Variants in CCDC146 observed in about 807,000 individuals in gnomAD.
CCDC146 encodes the protein coiled-coil domain containing 146.
In CCDC146, 92 loss-of-function variants were observed where a neutral mutation model predicts 119.3. The ratio of observed to expected loss-of-function variants is 0.77; its 90% confidence interval spans 0.65 to 0.92. The LOEUF is 0.92. Ranked by LOEUF, CCDC146 falls within the 40% of genes least tolerant of loss-of-function variation. The pLI, the probability that CCDC146 is intolerant of heterozygous loss-of-function variation, is 0.00. For missense variants in CCDC146, 1,000 were observed against 1,103.0 expected (o/e 0.91, Z 1.32); for synonymous variants, 372 against 371.8 (o/e 1.00, Z -0.01).
intron 9 of CCDC146, among the ~76,000 whole-genome samples, chr7:77,266,881 G>T (rs1286340157): frequency 6.6e-6 from 1 of 152,104 alleles, no homozygotes; most frequent in Non-Finnish European, 1.5e-5. Flanking sequence ...CAGAATGAAG[G>T]AACCAAGAGG....
rs530011823 is a variant in CCDC146, at chr7:77,177,192, T to C, written c.156+9368T>C. On this transcript the variant is annotated intron_variant, in intron 2 of 18. Coordinates refer to ENST00000285871, the MANE Select transcript of CCDC146 (RefSeq NM_020879.3). ...GGTGATTTGCTGACGCTACTAAAGC[T>C]TCATTTATTTTGTAGGTTGGACCTT... 2.6e-5 allele frequency among the ~76,000 whole-genome samples: 4 copies of C among 152,264 alleles called. No homozygotes were observed. In the South Asian group the frequency reaches 8.3e-4, roughly 32 times the overall value.
intron 11 of CCDC146, among the ~76,000 whole-genome samples, chr7:77,275,081 A>AAAAG (rs58940924): frequency 0.94 from 140,045 of 149,622 alleles, 65,674 homozygotes; most frequent in African/African-American, 0.98. Flanking sequence ...AAAAAAAAAG[A>AAAAG]AAAGCTATAC....
In CCDC146 at chr7:77,164,509, T is replaced by C. The variant is rs190331486; in HGVS notation, c.-11-3149T>C. On this transcript the variant is annotated intron_variant, in intron 1 of 18. Transcript: ENST00000285871. ...ATTAACATCACATAACAACAGACAA[T>C]CAGATATTTGGAGCCTCCTGATGGA... Among the ~76,000 whole-genome samples the C allele has an allele frequency of 7.3e-3, 1,111 of 152,118 alleles. 13 individuals are homozygous for C. Among genetic ancestry groups the C allele is most frequent in the African/African-American group, 0.025 (1,021 of 41,482 alleles).
intron 2 of CCDC146, among the ~76,000 whole-genome samples, chr7:77,185,779 CAG>C (rs1285443168): frequency 6.6e-6 from 1 of 152,090 alleles, no homozygotes; most frequent in Admixed American, 6.6e-5. Flanking sequence ...CCTAAAGAAA[CAG>C]AGATATGTAA....
rs141323382 is a variant in CCDC146, at chr7:77,282,561, G to A, written c.1924G>A (p.Val642Ile). ...TGCCTCTGAATTTGACCATAGTGGCGTTCAGCTGATAGAGCGGGAAGAAGA... is the reference window on the plus strand; with the variant it reads ...TGCCTCTGAATTTGACCATAGTGGCATTCAGCTGATAGAGCGGGAAGAAGA... ...KAVQHRNESG[V>I]QLIEREEEIC... is the part of the protein sequence containing the mutation. Residue 642 changes from valine (V) to isoleucine (I), a missense_variant, in exon 15 of 19, where the codon GTT (valine) becomes ATT (isoleucine). Around this residue, in one of 2 missense-constraint regions of CCDC146, gnomAD observed 985 missense variants for 1,045.3 expected, o/e 0.94. Transcript: ENST00000285871. The A allele has an allele frequency of 4.9e-5, 79 of 1,600,838 alleles. 1 individual carries two copies. In the South Asian group the frequency reaches 4.9e-4, roughly 10 times the overall value.
chr7:77,252,606 A>C (rs1793096761), intron 4 of CCDC146, among the ~76,000 whole-genome samples: 3 of 152,240 alleles, frequency 2.0e-5, no homozygotes, highest in Admixed American at 2.0e-4. Context: ...GAAATTAAAC[A>C]TAAAAATTTG....
At chr7:77,264,220 T>A (rs1793357299) in intron 9 of CCDC146, among the ~76,000 whole-genome samples, 1 of 152,170 alleles carries the variant, frequency 6.6e-6, no homozygotes, top group Non-Finnish European at 1.5e-5. Flanking sequence ...ACACTATCTT[T>A]TGGCGTGTTA....
At chr7:77,135,082 G>C (rs1325821764) in intron 1 of CCDC146, among the ~76,000 whole-genome samples, 1 of 152,064 alleles carries the variant, frequency 6.6e-6, no homozygotes, top group African/African-American at 2.4e-5. Context: ...ATTGCTCACT[G>C]GTTCACCAAA....
rs1011314737 is a variant in CCDC146, at chr7:77,278,869, C to T, written c.1529+29C>T. On this transcript the variant is annotated intron_variant, in intron 12 of 18. Coordinates refer to ENST00000285871, the MANE Select transcript of CCDC146 (RefSeq NM_020879.3). ...AAGTAATTATGTGGTGTTTTATCTA[C>T]GTAGGTGAGGGGAAAAAAACCTGAT... 14 of 1,596,532 alleles carry T rather than the reference C, an allele frequency of 8.8e-6. No homozygotes were observed. The East Asian group carries it at 2.0e-4, about 23-fold the overall frequency.
chr7:77,255,067 A>G (rs1322347023), intron 5 of CCDC146, among the ~76,000 whole-genome samples: 3 of 152,200 alleles, frequency 2.0e-5, no homozygotes, highest in Admixed American at 2.0e-4. Flanking sequence ...GGATAGCTCC[A>G]TTCATATACC....
At chr7:77,284,390 C>T (rs1225821374) in intron 15 of CCDC146, among the ~76,000 whole-genome samples, 2 of 151,888 alleles carry the variant, frequency 1.3e-5, no homozygotes, top group African/African-American at 4.8e-5. Context: ...TCCCAGATTG[C>T]CCCCAGGAAC....
intron 9 of CCDC146, among the ~76,000 whole-genome samples, chr7:77,268,916 T>C (rs2150526429): frequency 6.6e-6 from 1 of 152,338 alleles, no homozygotes; most frequent in Admixed American, 6.5e-5. Context: ...GGGAAATTTG[T>C]AGGATCTCTT....
chr7:77,142,221 A>G (rs904746708), intron 1 of CCDC146, among the ~76,000 whole-genome samples: 3 of 152,200 alleles, frequency 2.0e-5, no homozygotes, highest in African/African-American at 4.8e-5. Context: ...GGCCAGGGCA[A>G]TCAGGCAAGA....
intron 9 of CCDC146, among the ~76,000 whole-genome samples, chr7:77,272,516 C>T (rs1453073154): frequency 1.3e-5 from 2 of 152,182 alleles, no homozygotes; most frequent in Non-Finnish European, 2.9e-5. Context: ...TAAATTTTGG[C>T]CATTATTCAA....
intron 17 of CCDC146, 64 bp from the exon 18 acceptor site, chr7:77,292,888 G>A (rs1405074015): frequency 6.5e-7 from 1 of 1,533,196 alleles, no homozygotes; most frequent in East Asian, 2.3e-5. Flanking sequence ...ACAGCCAGCA[G>A]CCTGCCATTT....
intron 2 of CCDC146, among the ~76,000 whole-genome samples, chr7:77,226,224 C>T (rs967003022): frequency 5.9e-5 from 9 of 152,104 alleles, no homozygotes; most frequent in African/African-American, 1.9e-4. Context: ...GGGGAGCAGG[C>T]GAAAGGGAGA....
rs1334944723 is a variant in CCDC146 at position 77,167,798 on chromosome 7, A to G, written c.130A>G (p.Thr44Ala). The change falls in exon 2 of 19, where the codon ACT becomes GCT. Residue 44 changes from threonine (T) to alanine (A), a missense_variant. This residue lies in a region of CCDC146 where 15 missense variants were observed against 57.7 expected (regional missense o/e 0.26). Transcript: ENST00000285871. ...TGAGCGGTTTGTTGATTTATCTGAA[A>G]CTCCAGCTTTCATTTTTCTGCATGA... ...QDERFVDLSE[T>A]PAFIFLHELH... 6.2e-7 allele frequency: 1 copy of G among 1,611,276 alleles called. No individual in the cohort carries two copies. The highest frequency in any genetic ancestry group is 1.3e-5 in the African/African-American group (1 of 74,742).
chr7:77,257,577 G>A (rs983000105), intron 6 of CCDC146, among the ~76,000 whole-genome samples: 1 of 152,144 alleles, frequency 6.6e-6, no homozygotes, highest in Non-Finnish European at 1.5e-5. Context: ...GTTAGCATTT[G>A]TAATTGTTTA....
At chr7:77,180,658 A>G (rs1791572922) in intron 2 of CCDC146, among the ~76,000 whole-genome samples, 1 of 152,128 alleles carries the variant, frequency 6.6e-6, no homozygotes, top group African/African-American at 2.4e-5. Flanking sequence ...AGATCACTCT[A>G]CTGCATTCCA....
Sources: gnomAD v4.1 joint callset for allele counts (sites outside exome capture counted in the v4.1 genomes callset) on GRCh38, gnomAD v4.1.1 for gene constraint, gnomAD v4.1.1 regional missense constraint, MANE v1.5 for transcripts, NCBI Gene and HGNC (gene_info 2026-07-23, HGNC 2026-07-21) for gene names.